Variants in SLC24A2 observed in about 807,000 individuals in gnomAD.
SLC24A2 encodes the protein sodium/potassium/calcium exchanger 2.
In SLC24A2, 36 loss-of-function variants were observed where a neutral mutation model predicts 62.0. The ratio of observed to expected loss-of-function variants is 0.58; its 90% CI spans 0.44 to 0.77. The LOEUF (loss-of-function observed/expected upper bound fraction) is 0.77. SLC24A2 is among the 30% of genes least tolerant of loss of function. The pLI, the probability that SLC24A2 is intolerant of heterozygous loss-of-function variation, is 0.00. For missense variants in SLC24A2, 846 were observed against 817.9 expected, an observed-to-expected ratio of 1.03 and a Z score of -0.42; for synonymous variants, 358 against 294.0, an observed-to-expected ratio of 1.22 and a Z score of -2.23.
the SLC24A2 span, among the ~76,000 whole-genome samples, chr9:20,263,513 G>C: frequency 6.6e-6 from 1 of 152,092 alleles, no homozygotes; most frequent in Non-Finnish European, 1.5e-5. Context: ...CCCCCCAAAA[G>C]CGTTAAGATT....
At chr9:20,027,989 G>A in the SLC24A2 span, among the ~76,000 whole-genome samples, 1 of 152,140 alleles carries the variant, frequency 6.6e-6, no homozygotes, top group Admixed American at 6.5e-5. Context: ...CGTTAAATAA[G>A]AGAATGTGAA....
chr9:19,602,711 G>C (rs1347908740), intron 4 of SLC24A2, among the ~76,000 whole-genome samples: 4 of 152,178 alleles, frequency 2.6e-5, no homozygotes, highest in Non-Finnish European at 4.4e-5. Context: ...TTTGAACCCA[G>C]CTCCATCAGT....
chr9:19,880,943 G>T, the SLC24A2 span, among the ~76,000 whole-genome samples: 2 of 152,148 alleles, frequency 1.3e-5, no homozygotes, highest in African/African-American at 4.8e-5. Flanking sequence ...TTAGGTTCCA[G>T]TCTTGGCTCT....
At chr9:20,038,636 A>AAAAAAAAAAAAAAC in the SLC24A2 span, among the ~76,000 whole-genome samples, 1 of 151,964 alleles carries the variant, frequency 6.6e-6, no homozygotes, top group African/African-American at 2.4e-5. Flanking sequence ...AACAAACAAA[A>AAAAAAAAAAAAAAC]AAAAAAAAAA....
chr9:19,524,675 G>A (rs759480569), intron 9 of SLC24A2, among the ~76,000 whole-genome samples: 2 of 152,166 alleles, frequency 1.3e-5, no homozygotes, highest in African/African-American at 4.8e-5. Flanking sequence ...ATTTGTATAG[G>A]AGAAAAGAGA....
chr9:20,097,666 C>T, the SLC24A2 span, among the ~76,000 whole-genome samples: 1 of 144,640 alleles, frequency 6.9e-6, no homozygotes. Context: ...AATGTGGTTG[C>T]TGACCAAGTA....
At chr9:20,276,867 G>T in the SLC24A2 span, among the ~76,000 whole-genome samples, 1 of 152,170 alleles carries the variant, frequency 6.6e-6, no homozygotes, top group Non-Finnish European at 1.5e-5. Flanking sequence ...GCTGTATGTT[G>T]GCCCCTTTTA....
At chr9:20,201,498 G>T in the SLC24A2 span, among the ~76,000 whole-genome samples, 35 of 152,272 alleles carry the variant, frequency 2.3e-4, no homozygotes, top group Middle Eastern at 0.01. Context: ...ATTTGAGATA[G>T]AGAAGGGAAA....
the SLC24A2 span, among the ~76,000 whole-genome samples, chr9:20,253,253 T>C: frequency 1.3e-5 from 2 of 152,174 alleles, no homozygotes; most frequent in African/African-American, 4.8e-5. Context: ...GTATCTAAGC[T>C]CCCATTTACA....
the SLC24A2 span, among the ~76,000 whole-genome samples, chr9:19,874,883 A>G: frequency 1.3e-5 from 2 of 152,094 alleles, no homozygotes; most frequent in South Asian, 4.1e-4. Context: ...TCTGCCTACA[A>G]TGAAACCTCT....
In SLC24A2 at chr9:19,786,448, A is replaced by G. The variant is rs1341920763; in HGVS notation, c.419T>C (p.Ile140Thr). 3 of 1,614,142 alleles carry G rather than the reference A, an allele frequency of 1.9e-6. No homozygotes were observed. The highest frequency in any genetic ancestry group is 2.5e-6 in the Non-Finnish European group (3 of 1,180,028). Residue 140 changes from isoleucine (I) to threonine (T), a missense_variant, in exon 2 of 11, where the codon ATT (isoleucine) becomes ACT (threonine). Transcript: ENST00000341998. This position sits in a 1 kb window ranked among gnomAD's most constrained non-coding sequence, Gnocchi z 5.0. ...GGCTATGAACATGTAGATCATTCCA[A>G]TGACATGCAGAATGATCGCACCTTT... ...RRKGAIILHV[I>T]GMIYMFIALA...
At chr9:20,185,232 C>T in the SLC24A2 span, among the ~76,000 whole-genome samples, 1 of 152,002 alleles carries the variant, frequency 6.6e-6, no homozygotes, top group African/African-American at 2.4e-5. Flanking sequence ...AGTGTTCTCA[C>T]CACACAAAAA....
At chr9:19,846,402 T>C in the SLC24A2 span, among the ~76,000 whole-genome samples, 7 of 152,200 alleles carry the variant, frequency 4.6e-5, no homozygotes, top group African/African-American at 1.7e-4. Flanking sequence ...ACTGATACAA[T>C]AATAAGGACA....
chr9:19,712,758 G>T (rs1304783666), intron 2 of SLC24A2, among the ~76,000 whole-genome samples: 1 of 152,040 alleles, frequency 6.6e-6, no homozygotes, highest in Non-Finnish European at 1.5e-5. Flanking sequence ...TCTGGATCAG[G>T]GTTTCTTAAC....
At chr9:20,131,190 T>C in the SLC24A2 span, among the ~76,000 whole-genome samples, 1 of 152,098 alleles carries the variant, frequency 6.6e-6, no homozygotes, top group Non-Finnish European at 1.5e-5. Context: ...CAAAGACTCT[T>C]AGCCCTGTGG....
chr9:20,196,521 A>C, the SLC24A2 span, among the ~76,000 whole-genome samples: 2 of 152,344 alleles, frequency 1.3e-5, no homozygotes, highest in South Asian at 4.1e-4. Context: ...TTTAGGACTT[A>C]TCTAGAAAAA....
chr9:19,953,932 C>T, the SLC24A2 span, among the ~76,000 whole-genome samples: 1 of 151,620 alleles, frequency 6.6e-6, no homozygotes, highest in Non-Finnish European at 1.5e-5. Flanking sequence ...GTAGTTTTCA[C>T]ACTGTCCTAT....
At chr9:20,141,095 C>T in the SLC24A2 span, among the ~76,000 whole-genome samples, 3 of 152,130 alleles carry the variant, frequency 2.0e-5, no homozygotes, top group Non-Finnish European at 4.4e-5. Flanking sequence ...AATGCCTGAT[C>T]CGCCCACCAT....
chr9:20,211,453 C>G, the SLC24A2 span, among the ~76,000 whole-genome samples: 1 of 151,988 alleles, frequency 6.6e-6, no homozygotes, highest in Admixed American at 6.6e-5. Context: ...CAGAGGTTGC[C>G]GTGAGCTGAG....
Sources: gnomAD v4.1 joint callset for allele counts (sites outside exome capture counted in the v4.1 genomes callset) on GRCh38, gnomAD v4.1.1 for gene constraint, Gnocchi (gnomAD v3.1) non-coding constraint, MANE v1.5 for transcripts, NCBI Gene and HGNC (gene_info 2026-07-23, HGNC 2026-07-21) for gene names.